Variants in KCNC2 observed in about 807,000 individuals in gnomAD.
KCNC2 encodes the protein potassium voltage-gated channel subfamily C member 2, also known as voltage-gated potassium channel KCNC2.
Under a neutral mutation model 44.5 loss-of-function variants are expected in KCNC2, and 21 were observed. That is an observed-to-expected ratio of 0.47 (90% CI 0.33 to 0.68). The LOEUF is 0.68. KCNC2 is among the 30% of genes least tolerant of loss of function. The pLI is 0.01. For missense variants in KCNC2, 589 were observed against 826.2 expected, an observed-to-expected ratio of 0.71 and a Z score of 3.52; for synonymous variants, 391 against 339.1, an observed-to-expected ratio of 1.15 and a Z score of -1.68.
chr12:75,156,026 A>C (rs1302848222), intron 2 of KCNC2, among the ~76,000 whole-genome samples: 3 of 151,706 alleles, frequency 2.0e-5, no homozygotes, highest in Non-Finnish European at 4.4e-5. Context: ...TTTAGAAATA[A>C]TTTTCCAACA....
At chr12:75,085,818 C>T (rs1451139916) in intron 2 of KCNC2, among the ~76,000 whole-genome samples, 4 of 151,900 alleles carry the variant, frequency 2.6e-5, no homozygotes, top group Non-Finnish European at 2.9e-5. Flanking sequence ...TTCCAAATAA[C>T]GACTCATTTC....
At chr12:75,125,121 A>G (rs1266259729) in intron 2 of KCNC2, among the ~76,000 whole-genome samples, 2 of 152,134 alleles carry the variant, frequency 1.3e-5, no homozygotes, top group African/African-American at 2.4e-5. Flanking sequence ...AAAATTAATC[A>G]AAGTTTCTGG....
At chr12:75,050,350 A>G (rs1253490803) in intron 3 of KCNC2, 40 bp downstream of exon 3, 2 of 1,392,698 alleles carry the variant, frequency 1.4e-6, no homozygotes, top group Non-Finnish European at 2.0e-6. Context: ...ATACTGGTCT[A>G]TAAAGTATTT....
chr12:75,200,185 T>A (rs960622472), intron 2 of KCNC2, among the ~76,000 whole-genome samples: 1 of 151,854 alleles, frequency 6.6e-6, no homozygotes, highest in Non-Finnish European at 1.5e-5. Flanking sequence ...CTAAAATTTG[T>A]GCATTTAGTG....
intron 2 of KCNC2, among the ~76,000 whole-genome samples, chr12:75,098,051 G>A (rs963909765): frequency 3.3e-5 from 5 of 151,958 alleles, no homozygotes; most frequent in Admixed American, 6.6e-5. Flanking sequence ...TAATTAATAT[G>A]ACTGGCTCAT....
At chr12:75,083,930 A>T (rs2366624) in intron 2 of KCNC2, among the ~76,000 whole-genome samples, 1 of 151,706 alleles carries the variant, frequency 6.6e-6, no homozygotes, top group East Asian at 1.9e-4. Context: ...GAATACATAC[A>T]GTAGTTTTAT....
intron 2 of KCNC2, among the ~76,000 whole-genome samples, chr12:75,137,204 G>A (rs1889294440): frequency 6.6e-6 from 1 of 152,076 alleles, no homozygotes; most frequent in Non-Finnish European, 1.5e-5. Flanking sequence ...GTATGCATCA[G>A]TAGATGTTTT....
rs1204041160 is a variant in KCNC2, at chr12:75,048,187, A to G, written c.1746T>C (p.Asp582=). Residue 582 remains aspartate, a synonymous_variant, in exon 4 of 5, where the codon GAT becomes GAC. Coordinates refer to ENST00000549446, the MANE Select transcript of KCNC2 (RefSeq NM_139137.4). ...GETCFLLTTG[D]YTCASDGGIR... The stretch of plus-strand genomic sequence containing the variant: ...TCCCTCCATCAGAAGCACACGTGTA[A>G]TCACCTGTCGTCAGTAGGAAACATG... 6.2e-7 allele frequency: 1 copy of G among 1,612,988 alleles called. No homozygotes were observed. The highest frequency in any genetic ancestry group is 1.1e-5 in the South Asian group (1 of 91,040).
chr12:75,068,177 T>A (rs570142768), intron 2 of KCNC2, among the ~76,000 whole-genome samples: 32 of 152,284 alleles, frequency 2.1e-4, no homozygotes, highest in African/African-American at 7.2e-4. Context: ...ATGAGTGTGG[T>A]GTTGAGTCCA....
intron 2 of KCNC2, among the ~76,000 whole-genome samples, chr12:75,102,179 C>T (rs1001954614): frequency 1.4e-4 from 22 of 151,894 alleles, no homozygotes. Flanking sequence ...GGTAGTTTCC[C>T]TGAAACAAGC....
intron 2 of KCNC2, among the ~76,000 whole-genome samples, chr12:75,086,681 A>AATATATAGATATAT (rs1885054018): frequency 1.8e-5 from 1 of 54,208 alleles, no homozygotes; most frequent in Non-Finnish European, 3.5e-5. Flanking sequence ...AAAAAAAAAA[A>AATATATAGATATAT]ATATATATAT....
intron 2 of KCNC2, among the ~76,000 whole-genome samples, chr12:75,061,675 A>G (rs1278743963): frequency 6.6e-6 from 1 of 151,960 alleles, no homozygotes; most frequent in African/African-American, 2.4e-5. Context: ...AGGTCATCAC[A>G]AATATTCATA....
intron 2 of KCNC2, among the ~76,000 whole-genome samples, chr12:75,051,799 T>C (rs1196691744): frequency 2.0e-5 from 3 of 152,068 alleles, no homozygotes; most frequent in Non-Finnish European, 4.4e-5. Flanking sequence ...TATTCATATA[T>C]AAAATGTTCT....
intron 2 of KCNC2, among the ~76,000 whole-genome samples, chr12:75,153,561 C>T (rs568100788): frequency 3.8e-4 from 57 of 151,738 alleles, no homozygotes; most frequent in Non-Finnish European, 6.8e-4. Flanking sequence ...GCCCAGTCTT[C>T]ACCACTATGC....
At chr12:75,185,102 C>T (rs1041186773) in intron 2 of KCNC2, among the ~76,000 whole-genome samples, 10 of 152,062 alleles carry the variant, frequency 6.6e-5, no homozygotes, top group Non-Finnish European at 1.2e-4. Flanking sequence ...TGTATTTTCT[C>T]ATAGAAGAAA....
At chr12:75,131,130 G>A (rs562649798) in intron 2 of KCNC2, among the ~76,000 whole-genome samples, 3 of 152,140 alleles carry the variant, frequency 2.0e-5, no homozygotes, top group Middle Eastern at 3.4e-3. Flanking sequence ...ACACGTCAGC[G>A]AAAATGCCTT....
intron 2 of KCNC2, among the ~76,000 whole-genome samples, chr12:75,179,782 A>AGTTTTATAT (rs1443574049): frequency 0.01 from 1,560 of 151,374 alleles, 56 homozygotes; most frequent in Non-Finnish European, 0.017. Flanking sequence ...ATATAAAACT[A>AGTTTTATAT]CTTTTATATC....
intron 2 of KCNC2, among the ~76,000 whole-genome samples, chr12:75,082,862 A>G (rs1053553717): frequency 6.6e-6 from 1 of 151,818 alleles, no homozygotes; most frequent in African/African-American, 2.4e-5. Context: ...GGAGATACCT[A>G]TAGAGACAGA....
chr12:75,208,607 A>G (rs2031903670), intron 1 of KCNC2, among the ~76,000 whole-genome samples: 1 of 101,912 alleles, frequency 9.8e-6, no homozygotes, highest in African/African-American at 3.9e-5. Flanking sequence ...CCCGGATTCC[A>G]CACCCACCCT....
Sources: allele counts gnomAD v4.1 joint callset (sites outside exome capture counted in the v4.1 genomes callset), GRCh38; gene constraint gnomAD v4.1.1; transcripts MANE v1.5; gene names NCBI Gene and HGNC (gene_info 2026-07-23, HGNC 2026-07-21).